Variants in ASCC3 observed in about 807,000 individuals in gnomAD.
ASCC3 encodes the protein ASC-1 complex subunit P200.
ASCC3 carries 158 observed loss-of-function variants against 256.3 expected under a neutral mutation model. The observed-to-expected ratio is 0.62, with a 90% CI of 0.54 to 0.70. The LOEUF (loss-of-function observed/expected upper bound fraction) is 0.70. ASCC3 is among the 30% of genes least tolerant of loss of function. ASCC3 has a pLI of 0.00. For synonymous variants in ASCC3, 948 were observed against 883.4 expected (o/e 1.07, Z -1.30); for missense variants, 2,259 against 2,626.0 (o/e 0.86, Z 3.05).
At chr6:100,589,909 G>A (rs748291363) in intron 35 of ASCC3, 39 bp downstream of exon 35, 15 of 1,594,886 alleles carry the variant, frequency 9.4e-6, no homozygotes, top group Non-Finnish European at 1.0e-5. Flanking sequence ...AAAAAGCTGG[G>A]CAATCTTTTC....
chr6:100,722,591 T>C (rs1176238585), intron 11 of ASCC3, among the ~76,000 whole-genome samples: 1 of 151,822 alleles, frequency 6.6e-6, no homozygotes, highest in Non-Finnish European at 1.5e-5. Context: ...TCTATAGCAC[T>C]TAGAACTATG....
intron 36 of ASCC3, among the ~76,000 whole-genome samples, chr6:100,563,168 C>T (rs1355781529): frequency 6.6e-6 from 1 of 151,776 alleles, no homozygotes; most frequent in Non-Finnish European, 1.5e-5. Flanking sequence ...TATATTAATG[C>T]TTTTTAAATT....
intron 34 of ASCC3, among the ~76,000 whole-genome samples, chr6:100,598,137 A>G (rs1213846949): frequency 6.6e-6 from 1 of 152,112 alleles, no homozygotes; most frequent in Non-Finnish European, 1.5e-5. Context: ...CAGAAGCACA[A>G]AAGTGAGAGG....
intron 38 of ASCC3, among the ~76,000 whole-genome samples, chr6:100,517,387 C>A (rs1486532778): frequency 6.6e-6 from 1 of 152,112 alleles, no homozygotes; most frequent in African/African-American, 2.4e-5. Context: ...TGGCGTGAAA[C>A]ACTGGTGTGA....
intron 11 of ASCC3, 39 bp downstream of exon 11, chr6:100,725,500 T>C (rs916688179): frequency 1.6e-5 from 26 of 1,600,914 alleles, no homozygotes; most frequent in Non-Finnish European, 2.1e-5. Flanking sequence ...AAAACATATT[T>C]ATCCCTTCAA....
At chr6:100,612,055 G>A (rs2114827151) in intron 30 of ASCC3, among the ~76,000 whole-genome samples, 1 of 152,074 alleles carries the variant, frequency 6.6e-6, no homozygotes, top group East Asian at 1.9e-4. Flanking sequence ...ACAGATCTAT[G>A]TTATTCTAGG....
chr6:100,823,524 C>T (rs1016004034), intron 4 of ASCC3, among the ~76,000 whole-genome samples: 5 of 152,108 alleles, frequency 3.3e-5, no homozygotes, highest in Admixed American at 6.5e-5. Context: ...TAGGTATGGA[C>T]GGGCAACATG....
chr6:100,565,782 C>CT (rs1770210325), intron 36 of ASCC3, among the ~76,000 whole-genome samples: 1 of 152,162 alleles, frequency 6.6e-6, no homozygotes, highest in Admixed American at 6.6e-5. Context: ...ATGCTAATTT[C>CT]TTTCACTATA....
chr6:100,626,782 T>C (rs1393430835), intron 29 of ASCC3, among the ~76,000 whole-genome samples: 2 of 152,140 alleles, frequency 1.3e-5, no homozygotes, highest in Non-Finnish European at 2.9e-5. Context: ...TTTGGACACA[T>C]AAATATAAAT....
intron 36 of ASCC3, among the ~76,000 whole-genome samples, chr6:100,577,173 T>A (rs983445695): frequency 2.6e-5 from 4 of 152,044 alleles, no homozygotes; most frequent in African/African-American, 9.7e-5. Context: ...ACACCAAATA[T>A]GACAAGCACA....
chr6:100,821,019 ATTG>A (rs753700804), intron 4 of ASCC3, among the ~76,000 whole-genome samples: 2 of 152,078 alleles, frequency 1.3e-5, no homozygotes, highest in African/African-American at 4.8e-5. Flanking sequence ...AATAAGTTGT[ATTG>A]TTGTTGTTGT....
In ASCC3 at chr6:100,738,400, G is replaced by A. The variant is rs576481263; in HGVS notation, c.1738-12697C>T. 2.6e-5 allele frequency among the ~76,000 whole-genome samples: 4 copies of A among 152,216 alleles called. No individual in the cohort carries two copies. The South Asian group carries it at 8.3e-4, about 32-fold the overall frequency. ...ATCTTGAGTTAATTTTTGCACTTGTGTAAGGAAGAGGTCCAGTTTCAATTT... is the reference window on the plus strand; with the variant it reads ...ATCTTGAGTTAATTTTTGCACTTGTATAAGGAAGAGGTCCAGTTTCAATTT... On this transcript the variant is annotated intron_variant, in intron 10 of 41. Coordinates refer to ENST00000369162, the MANE Select transcript of ASCC3 (RefSeq NM_006828.4).
chr6:100,634,178 T>C (rs1181298218), intron 25 of ASCC3, among the ~76,000 whole-genome samples: 2 of 152,202 alleles, frequency 1.3e-5, no homozygotes, highest in African/African-American at 4.8e-5. Context: ...TTGATACATA[T>C]AATGTATAGT....
At chr6:100,620,045 G>A (rs916450414) in intron 30 of ASCC3, among the ~76,000 whole-genome samples, 3 of 152,140 alleles carry the variant, frequency 2.0e-5, no homozygotes, top group African/African-American at 4.8e-5. Context: ...GTATGTATGA[G>A]TTTGAGGAGT....
At chr6:100,605,366 T>C (rs1020669070) in intron 33 of ASCC3, among the ~76,000 whole-genome samples, 1 of 152,184 alleles carries the variant, frequency 6.6e-6, no homozygotes, top group Non-Finnish European at 1.5e-5. Context: ...AACACTGTAC[T>C]ATACTGCTTA....
intron 16 of ASCC3, among the ~76,000 whole-genome samples, chr6:100,658,898 C>T (rs181727169): frequency 1.3e-5 from 2 of 151,418 alleles, no homozygotes; most frequent in East Asian, 1.9e-4. Flanking sequence ...AGGGAGCTGG[C>T]ACAGAGTATG....
rs1771633219 is a variant in ASCC3, at chr6:100,831,821, AT to A, written c.801+16326del. Among the ~76,000 whole-genome samples the A allele has an allele frequency of 2.0e-5, 3 of 152,324 alleles. No individual in the cohort carries two copies. In the East Asian group the frequency reaches 5.8e-4, roughly 29 times the overall value. ...ATATGACAAAGACTTTGAAATAAGTATTATAAAGCTGAAAAGATAAAGCAGT... is the reference window on the plus strand; with the variant it reads ...ATATGACAAAGACTTTGAAATAAGTATATAAAGCTGAAAAGATAAAGCAGT... On this transcript the variant is annotated intron_variant, in intron 4 of 41. Transcript: ENST00000369162.
intron 37 of ASCC3, among the ~76,000 whole-genome samples, chr6:100,528,727 A>T (rs150030831): frequency 5.3e-5 from 8 of 152,338 alleles, no homozygotes; most frequent in African/African-American, 1.9e-4. Flanking sequence ...ATATATAACA[A>T]TGGAAACTTA....
chr6:100,544,008 A>G (rs563049007), intron 36 of ASCC3, among the ~76,000 whole-genome samples: 40 of 152,232 alleles, frequency 2.6e-4, no homozygotes, highest in African/African-American at 9.4e-4. Flanking sequence ...ATGAGAAACC[A>G]ATGACAGACA....
Sources: allele counts gnomAD v4.1 joint callset (sites outside exome capture counted in the v4.1 genomes callset), GRCh38; gene constraint gnomAD v4.1.1; transcripts MANE v1.5; gene names NCBI Gene and HGNC (gene_info 2026-07-23, HGNC 2026-07-21).